The following MCTP1 variants were observed in gnomAD, a reference collection of about 807,000 sequenced individuals.
MCTP1 encodes the protein multiple C2 and transmembrane domain-containing protein 1.
A neutral mutation model predicts 120.6 loss-of-function variants in MCTP1; 69 were observed. The observed-to-expected ratio is 0.57, with a 90% CI of 0.47 to 0.70. MCTP1 has a LOEUF of 0.70. MCTP1 is among the 30% of genes least tolerant of loss of function. The pLI, the probability that MCTP1 is intolerant of heterozygous loss-of-function variation, is 0.00. For missense variants in MCTP1, 1,203 were observed against 1,248.8 expected (o/e 0.96, Z 0.55); for synonymous variants, 529 against 493.1 (o/e 1.07, Z -0.96).
intron 2 of MCTP1, among the ~76,000 whole-genome samples, chr5:94,965,520 A>G (rs969858501): frequency 2.8e-5 from 3 of 108,382 alleles, no homozygotes; most frequent in Non-Finnish European, 6.0e-5. Flanking sequence ...GTGTGTGTGG[A>G]TGGTTTTTTT....
At chr5:95,057,825 C>G (rs1287097987) in intron 1 of MCTP1, among the ~76,000 whole-genome samples, 4 of 152,124 alleles carry the variant, frequency 2.6e-5, no homozygotes, top group Non-Finnish European at 5.9e-5. Context: ...ACCAATGATC[C>G]GCAAAATGTC....
At chr5:95,052,831 T>TA (rs1324001810) in intron 1 of MCTP1, among the ~76,000 whole-genome samples, 1 of 152,226 alleles carries the variant, frequency 6.6e-6, no homozygotes, top group Admixed American at 6.5e-5. Context: ...AAGCTTGTTT[T>TA]AAAAAATAAG....
At chr5:94,940,288 A>T in intron 4 of MCTP1, 93 bp from the exon 5 acceptor site, 1 of 692,696 alleles carries the variant, frequency 1.4e-6, no homozygotes, top group Non-Finnish European at 2.3e-6. Context: ...GATAAAAAGT[A>T]ATTTTGTCTT....
In MCTP1 at chr5:95,061,415, T is replaced by G. The variant is rs1343475597; in HGVS notation, c.721-43931A>C. 3.8e-3 allele frequency among the ~76,000 whole-genome samples: 53 copies of G among 13,830 alleles called. 8 individuals are homozygous for G. The highest frequency in any genetic ancestry group is 0.011 in the Admixed American group (9 of 840). 9.1% of individuals were successfully genotyped at this position (13,830 alleles called of 152,430 possible). On this transcript the variant is annotated intron_variant, in intron 1 of 22. Transcript: ENST00000515393. ...TTCACAAACCCCTTAAGGGTTTTTT[T>G]TTTTTTTTTTTTTTTTTTTTTTTTT...
chr5:94,978,958 T>C (rs760379716), intron 2 of MCTP1: 2 of 152,082 alleles, frequency 1.3e-5, no homozygotes, highest in East Asian at 3.9e-4. Context: ...AGAAAGAACT[T>C]AGCTGTTTGA....
intron 2 of MCTP1, among the ~76,000 whole-genome samples, chr5:94,962,125 T>C (rs1581594125): frequency 7.0e-6 from 1 of 142,380 alleles, no homozygotes; most frequent in African/African-American, 2.7e-5. Context: ...ATGGCTATAA[T>C]AATAATAAAA....
chr5:94,849,236 T>C (rs1463992887), intron 17 of MCTP1, among the ~76,000 whole-genome samples: 2 of 152,164 alleles, frequency 1.3e-5, no homozygotes, highest in Non-Finnish European at 2.9e-5. Context: ...AAAATCTATT[T>C]CCTTCTTTAG....
chr5:95,017,545 G>C, intron 1 of MCTP1, 61 bp from the exon 2 acceptor site: 5 of 1,165,808 alleles, frequency 4.3e-6, no homozygotes, highest in Non-Finnish European at 6.0e-6. Flanking sequence ...TTTCTCTAAA[G>C]GGGGACCATA....
intron 17 of MCTP1, among the ~76,000 whole-genome samples, chr5:94,866,516 C>T (rs1796832286): frequency 6.6e-6 from 1 of 150,500 alleles, no homozygotes; most frequent in African/African-American, 2.4e-5. Flanking sequence ...TCAGCAGGCC[C>T]CTTCCCACCT....
At chr5:95,153,389 A>G (rs1311667223) in intron 1 of MCTP1, among the ~76,000 whole-genome samples, 1 of 152,224 alleles carries the variant, frequency 6.6e-6, no homozygotes, top group African/African-American at 2.4e-5. Flanking sequence ...GCAGTTTTTC[A>G]TAACAGTGTG....
At chr5:95,271,778 G>T (rs59737314) in intron 1 of MCTP1, among the ~76,000 whole-genome samples, 1,721 of 151,596 alleles carry the variant, frequency 0.011, 19 homozygotes, top group South Asian at 0.031. Context: ...TTTTATATAT[G>T]GCACTCCATA....
intron 1 of MCTP1, among the ~76,000 whole-genome samples, chr5:95,146,566 T>G (rs191434956): frequency 6.9e-4 from 105 of 152,308 alleles, no homozygotes; most frequent in African/African-American, 2.4e-3. Flanking sequence ...ATCCCCAAAA[T>G]TTTGGTAAGT....
chr5:94,889,301 A>C (rs1227920933), intron 11 of MCTP1, among the ~76,000 whole-genome samples: 1 of 152,158 alleles, frequency 6.6e-6, no homozygotes, highest in Non-Finnish European at 1.5e-5. Context: ...ACTAAAAATA[A>C]ATTCAGGCCG....
intron 12 of MCTP1, among the ~76,000 whole-genome samples, chr5:94,884,619 T>C (rs1490271974): frequency 1.5e-4 from 1 of 6,852 alleles, no homozygotes. Context: ...AAGTTGGGGG[T>C]GGGGGCTGGG....
intron 1 of MCTP1, among the ~76,000 whole-genome samples, chr5:95,054,679 A>G (rs928856772): frequency 6.6e-6 from 1 of 152,254 alleles, no homozygotes; most frequent in South Asian, 2.1e-4. Flanking sequence ...GAAAAAGACC[A>G]TAATGGGTAT....
At chr5:95,152,835 C>T (rs1277672986) in intron 1 of MCTP1, among the ~76,000 whole-genome samples, 2 of 152,144 alleles carry the variant, frequency 1.3e-5, no homozygotes, top group African/African-American at 4.8e-5. Context: ...ATCCCAAAGG[C>T]AGAAACTTGG....
chr5:95,254,709 G>A (rs1757705457), intron 1 of MCTP1, among the ~76,000 whole-genome samples: 1 of 152,134 alleles, frequency 6.6e-6, no homozygotes, highest in African/African-American at 2.4e-5. Context: ...CATATTAATT[G>A]CCAAGTTAAT....
Position 94,953,045 on chromosome 5 carries a change from C to A in MCTP1, c.981+174G>T, listed in dbSNP as rs575478801. Among the ~76,000 whole-genome samples the A allele has an allele frequency of 1.4e-4, 21 of 152,328 alleles. No individual in the cohort carries two copies. In the South Asian group the frequency reaches 3.9e-3, roughly 29 times the overall value. On this transcript the variant is annotated intron_variant, in intron 3 of 22. Coordinates refer to ENST00000515393, the MANE Select transcript of MCTP1 (RefSeq NM_024717.7). ...ACTGTCCTGGAGAAGAATGCCCCTG[C>A]TAGCTCCTCCTTCCCTCTATCTCAC...
At chr5:94,773,978 G>T (rs1309027306) in intron 19 of MCTP1, among the ~76,000 whole-genome samples, 3 of 39,338 alleles carry the variant, frequency 7.6e-5, no homozygotes, top group Admixed American at 7.4e-4. Context: ...GGAGGCCGAG[G>T]CGGGCGGATC....
Sources: gnomAD v4.1 joint callset for allele counts (sites outside exome capture counted in the v4.1 genomes callset) on GRCh38, gnomAD v4.1.1 for gene constraint, MANE v1.5 for transcripts, NCBI Gene and HGNC (gene_info 2026-07-23, HGNC 2026-07-21) for gene names.